The following PRR5L variants were observed in gnomAD, a reference collection of about 807,000 sequenced individuals.
PRR5L encodes the protein proline-rich protein 5-like.
A neutral mutation model predicts 36.4 loss-of-function variants in PRR5L; 21 were observed. The ratio of observed to expected loss-of-function variants is 0.58; its 90% confidence interval spans 0.41 to 0.83. The LOEUF is 0.83. Ranked by LOEUF, PRR5L falls within the 40% of genes least tolerant of loss-of-function variation. The probability of loss-of-function intolerance (pLI) is 0.00; values close to 1 mark genes in which losing one functional copy is unlikely to be tolerated. For synonymous variants in PRR5L, 188 were observed against 197.0 expected, an observed-to-expected ratio of 0.95 and a Z score of 0.38; for missense variants, 381 against 473.3, an observed-to-expected ratio of 0.80 and a Z score of 1.81.
At chr11:36,318,790 G>A (rs999899268) in intron 1 of PRR5L, among the ~76,000 whole-genome samples, 2 of 151,940 alleles carry the variant, frequency 1.3e-5, no homozygotes, top group South Asian at 2.1e-4. Flanking sequence ...TTGAGAGAAA[G>A]TTGGATCACA....
chr11:36,367,255 C>T (rs1590489483), intron 1 of PRR5L, among the ~76,000 whole-genome samples: 1 of 152,242 alleles, frequency 6.6e-6, no homozygotes, highest in East Asian at 1.9e-4. Flanking sequence ...AAATACTAGG[C>T]TTTGCCATAA....
chr11:36,353,769 C>T (rs980752875), intron 1 of PRR5L, among the ~76,000 whole-genome samples: 5 of 152,172 alleles, frequency 3.3e-5, no homozygotes, highest in African/African-American at 1.2e-4. Context: ...AGGTGGAGCT[C>T]AGCTAGTAAT....
At chr11:36,423,902 G>A (rs1331814971) in intron 4 of PRR5L, among the ~76,000 whole-genome samples, 3 of 152,308 alleles carry the variant, frequency 2.0e-5, no homozygotes, top group East Asian at 1.9e-4. Context: ...ATGAGGGGGA[G>A]CCAGACTGGG....
In PRR5L at chr11:36,375,993, G is replaced by GTT. The variant is rs983230597; in HGVS notation, c.-125-25002_-125-25001dup. The GTT allele has an allele frequency of 1.9e-5, 8 of 432,058 alleles. No homozygotes were observed. The Middle Eastern group carries it at 1.2e-3, about 67-fold the overall frequency. 26.8% of individuals were successfully genotyped at this position (432,058 alleles called of 1,614,324 possible). On this transcript the variant is annotated intron_variant, in intron 1 of 8. Transcript: ENST00000530639. ...CCCAGAATCACCTCTTGGCTTGGCA[G>GTT]TTTCCCATTGCGGGGCAGCTGGGCC... is the stretch of plus-strand genomic sequence containing the variant.
intron 1 of PRR5L, among the ~76,000 whole-genome samples, chr11:36,347,478 C>T (rs1486149395): frequency 6.6e-6 from 1 of 152,040 alleles, no homozygotes; most frequent in Non-Finnish European, 1.5e-5. Flanking sequence ...CAAACCATAT[C>T]TAGGACTTCC....
chr11:36,431,345 C>T (rs1023260758), intron 4 of PRR5L, among the ~76,000 whole-genome samples: 1 of 152,222 alleles, frequency 6.6e-6, no homozygotes, highest in African/African-American at 2.4e-5. Context: ...ACTTTACTTT[C>T]TCTTTCCACA....
chr11:36,407,577 T>C (rs10836553), intron 3 of PRR5L, among the ~76,000 whole-genome samples: 34,872 of 152,132 alleles, frequency 0.23, 5,682 homozygotes, highest in African/African-American at 0.47. Flanking sequence ...AAATGACTTT[T>C]TCAGTTCTCC....
At chr11:36,390,334 G>A (rs1398082947) in intron 1 of PRR5L, among the ~76,000 whole-genome samples, 1 of 152,222 alleles carries the variant, frequency 6.6e-6, no homozygotes, top group Non-Finnish European at 1.5e-5. Flanking sequence ...GGTGCTGGTG[G>A]AAGACATGAA....
chr11:36,297,493 T>C (rs1246603177), intron 1 of PRR5L: 1 of 152,218 alleles, frequency 6.6e-6, no homozygotes, highest in East Asian at 1.9e-4. Flanking sequence ...AGTTGCCTCA[T>C]ATGTAAGAGA....
At chr11:36,432,051 A>G in intron 5 of PRR5L, 141 bp downstream of exon 5, 1 of 633,786 alleles carries the variant, frequency 1.6e-6, no homozygotes. Context: ...CCTAGGCAGC[A>G]GCACTTTGAT....
At chr11:36,412,946 T>A (rs375665172) in intron 3 of PRR5L, among the ~76,000 whole-genome samples, 13 of 152,130 alleles carry the variant, frequency 8.5e-5, no homozygotes, top group African/African-American at 3.1e-4. Flanking sequence ...CCACTCTGAG[T>A]TCCTCTTTTT....
chr11:36,331,021 G>A (rs1468809519), intron 1 of PRR5L, among the ~76,000 whole-genome samples: 1 of 152,148 alleles, frequency 6.6e-6, no homozygotes, highest in Non-Finnish European at 1.5e-5. Context: ...GGCCAGGCTA[G>A]TCTTGAACTC....
intron 1 of PRR5L, among the ~76,000 whole-genome samples, chr11:36,307,496 C>T (rs1856447785): frequency 6.6e-6 from 1 of 152,190 alleles, no homozygotes. Flanking sequence ...CCTCTTCTTT[C>T]CACCTCTCTG....
At chr11:36,386,424 T>G (rs923979004) in intron 1 of PRR5L, 1 of 152,262 alleles carries the variant, frequency 6.6e-6, no homozygotes, top group East Asian at 1.9e-4. Flanking sequence ...ATTTTTGCCT[T>G]TAAGGAGCTT....
At chr11:36,400,846 A>G (rs907970309) in intron 1 of PRR5L, among the ~76,000 whole-genome samples, 151 bp from the exon 2 acceptor site, 8 of 152,156 alleles carry the variant, frequency 5.3e-5, no homozygotes, top group African/African-American at 1.7e-4. Context: ...CCCTGTGCAA[A>G]CTTGTGAATG....
intron 1 of PRR5L, among the ~76,000 whole-genome samples, chr11:36,387,296 T>A (rs1857475980): frequency 6.6e-6 from 1 of 152,102 alleles, no homozygotes; most frequent in Non-Finnish European, 1.5e-5. Flanking sequence ...AAGGATAGCA[T>A]TAGGAGATGT....
intron 3 of PRR5L, among the ~76,000 whole-genome samples, chr11:36,404,035 C>T (rs767768745): frequency 3.3e-5 from 5 of 152,204 alleles, no homozygotes; most frequent in African/African-American, 4.8e-5. Context: ...TGATCTGAAA[C>T]ATCCATGGAA....
intron 1 of PRR5L, among the ~76,000 whole-genome samples, chr11:36,325,214 C>G (rs369227404): frequency 6.6e-6 from 1 of 152,228 alleles, no homozygotes; most frequent in South Asian, 2.1e-4. Context: ...AGCTCGATTA[C>G]GACCAACCCG....
intron 1 of PRR5L, among the ~76,000 whole-genome samples, chr11:36,331,295 C>T (rs949679036): frequency 6.6e-6 from 1 of 152,096 alleles, no homozygotes; most frequent in African/African-American, 2.4e-5. Flanking sequence ...AGAATAAATT[C>T]TTTCAGATTT....
Sources: gnomAD v4.1 joint callset for allele counts (sites outside exome capture counted in the v4.1 genomes callset) on GRCh38, gnomAD v4.1.1 for gene constraint, MANE v1.5 for transcripts, NCBI Gene and HGNC (gene_info 2026-07-23, HGNC 2026-07-21) for gene names.